SPATS2: variants seen among roughly 807,000 people sequenced by gnomAD.
The protein encoded by SPATS2 is spermatogenesis-associated serine-rich protein 2.
Under a neutral mutation model 63.7 loss-of-function variants are expected in SPATS2, and 38 were observed. The observed-to-expected ratio is 0.60, with a 90% confidence interval of 0.46 to 0.78. The LOEUF is 0.78. SPATS2 is among the 30% of genes least tolerant of loss of function. SPATS2 has a pLI of 0.00. For synonymous variants in SPATS2, 207 were observed against 232.9 expected, an observed-to-expected ratio of 0.89 and a Z score of 1.01; for missense variants, 588 against 666.2, an observed-to-expected ratio of 0.88 and a Z score of 1.29.
At chr12:49,503,519 G>A (rs1263483685) in intron 9 of SPATS2, among the ~76,000 whole-genome samples, 1 of 146,306 alleles carries the variant, frequency 6.8e-6, no homozygotes, top group South Asian at 2.2e-4. Context: ...CGTGGTGGCG[G>A]GCGCCTGTAG....
chr12:49,469,480 A>G (rs1945993006), intron 3 of SPATS2: 2 of 400,758 alleles, frequency 5.0e-6, no homozygotes, highest in South Asian at 3.7e-5. Flanking sequence ...GAATCACTCA[A>G]GCCTGGGAGT....
chr12:49,411,844 G>A (rs908158725), intron 2 of SPATS2, among the ~76,000 whole-genome samples: 9 of 152,044 alleles, frequency 5.9e-5, no homozygotes, highest in African/African-American at 9.7e-5. Flanking sequence ...CATTCTGCTG[G>A]GGCCAATTAG....
At chr12:49,433,935 C>A (rs1945228891) in intron 2 of SPATS2, among the ~76,000 whole-genome samples, 1 of 152,076 alleles carries the variant, frequency 6.6e-6, no homozygotes, top group Non-Finnish European at 1.5e-5. Context: ...TTCCTTATTT[C>A]TTTTTGAGTT....
intron 3 of SPATS2, among the ~76,000 whole-genome samples, chr12:49,468,413 A>G (rs1040213127): frequency 2.7e-4 from 40 of 147,544 alleles, no homozygotes; most frequent in African/African-American, 1.0e-3. Context: ...GCCTGCCTCG[A>G]CCTCCCAAAG....
intron 2 of SPATS2, among the ~76,000 whole-genome samples, chr12:49,433,293 G>C (rs930011016): frequency 6.6e-6 from 1 of 152,206 alleles, no homozygotes; most frequent in Admixed American, 6.5e-5. Flanking sequence ...CTCCCGAGTA[G>C]CTGGGACTAC....
chr12:49,367,426 C>T (rs1943917537), upstream of SPATS2: 7 of 397,092 alleles, frequency 1.8e-5, no homozygotes, highest in Non-Finnish European at 2.7e-5. Context: ...GGCGGGGCGG[C>T]GTCCGGCTCT....
intron 9 of SPATS2, among the ~76,000 whole-genome samples, chr12:49,505,069 CT>C (rs35654703): frequency 2.5e-4 from 37 of 147,390 alleles, no homozygotes; most frequent in East Asian, 2.0e-4. Context: ...CAGCTCAGAG[CT>C]TTTTTTTTTA....
At chr12:49,485,170 A>G (rs1299468926) in intron 4 of SPATS2, among the ~76,000 whole-genome samples, 1 of 147,334 alleles carries the variant, frequency 6.8e-6, no homozygotes, top group Admixed American at 7.0e-5. Context: ...GGTTCGCGCC[A>G]TTCTCCTGCC....
In SPATS2 at chr12:49,516,764, A is replaced by T. The variant is rs138726439; in HGVS notation, c.898+2151A>T. On this transcript the variant is annotated intron_variant, in intron 10 of 13. Transcript: ENST00000552918. ...TTTCAGATAGCGAGGCTAATGTAAC[A>T]AATTCCCATCACTCAGCTTCAACCA... Among the ~76,000 whole-genome samples the T allele has an allele frequency of 1.8e-3, 276 of 152,258 alleles. 1 individual carries two copies. Among genetic ancestry groups the T allele is most frequent in the African/African-American group, 6.1e-3 (254 of 41,564 alleles).
intron 2 of SPATS2, among the ~76,000 whole-genome samples, chr12:49,448,089 C>T (rs1030552472): frequency 6.6e-6 from 1 of 150,826 alleles, no homozygotes; most frequent in Non-Finnish European, 1.5e-5. Flanking sequence ...TTTTAAGTAC[C>T]AATTTAGCTA....
chr12:49,399,813 G>A (rs894145858), intron 2 of SPATS2, among the ~76,000 whole-genome samples: 2 of 152,076 alleles, frequency 1.3e-5, no homozygotes, highest in African/African-American at 4.8e-5. Flanking sequence ...CAAGGCAGGC[G>A]GATCACGAGG....
chr12:49,471,080 A>G (rs1294826273), intron 3 of SPATS2, among the ~76,000 whole-genome samples: 2 of 152,192 alleles, frequency 1.3e-5, no homozygotes, highest in African/African-American at 2.4e-5. Flanking sequence ...AAGCTAGGAA[A>G]TCTCTTTACT....
At chr12:49,494,001 T>G (rs1946425876) in intron 6 of SPATS2, among the ~76,000 whole-genome samples, 1 of 152,224 alleles carries the variant, frequency 6.6e-6, no homozygotes, top group Admixed American at 6.5e-5. Context: ...TTGGGTTGTT[T>G]CTAATCCTGT....
chr12:49,425,852 C>T (rs578155391), intron 2 of SPATS2, among the ~76,000 whole-genome samples: 132 of 152,138 alleles, frequency 8.7e-4, no homozygotes, highest in African/African-American at 3.0e-3. Flanking sequence ...AGGCTGGTCT[C>T]GAACTCCTGA....
intron 2 of SPATS2, among the ~76,000 whole-genome samples, chr12:49,395,913 C>T (rs956820436): frequency 2.7e-4 from 41 of 152,060 alleles, no homozygotes; most frequent in Admixed American, 2.7e-3. Context: ...TCTTTGTTTC[C>T]CCCTCTTCCC....
rs540708681 is a variant in SPATS2, at chr12:49,472,012, G to C, written c.25+10975G>C. On this transcript the variant is annotated intron_variant, in intron 3 of 13. Coordinates refer to ENST00000552918, the MANE Select transcript of SPATS2 (RefSeq NM_023071.4). ...AATTACCCAGGGCATGGTGGGGCGTGTCTTTAGTCCTGCTTCTTGGGAGGC... is the reference window on the plus strand; with the variant it reads ...AATTACCCAGGGCATGGTGGGGCGTCTCTTTAGTCCTGCTTCTTGGGAGGC... 2.7e-5 allele frequency among the ~76,000 whole-genome samples: 4 copies of C among 149,506 alleles called. 1 individual carries two copies. In the South Asian group the frequency reaches 8.5e-4, roughly 32 times the overall value.
rs1947049867 is a variant in SPATS2 at position 49,527,195 on chromosome 12, C to G, written c.*940C>G. On this transcript the variant is annotated 3_prime_UTR_variant, in exon 14 of 14. Coordinates refer to ENST00000552918, the MANE Select transcript of SPATS2 (RefSeq NM_023071.4). The stretch of plus-strand genomic sequence containing the variant: ...TGAGCTGAGATTGTGCCACTGCACT[C>G]CAGCCTGGGAGACAGAGCAAGACTC... 6.7e-6 allele frequency: 1 copy of G among 150,112 alleles called. No individual in the cohort carries two copies. Among genetic ancestry groups the G allele is most frequent in the Non-Finnish European group, 1.5e-5 (1 of 67,778 alleles). 9.3% of individuals were successfully genotyped at this position (150,112 alleles called of 1,614,324 possible). A position where few individuals can be genotyped will look rare whatever the true frequency, so the allele number is the denominator to read the frequency against.
intron 9 of SPATS2, among the ~76,000 whole-genome samples, chr12:49,513,732 T>C (rs11613171): frequency 6.6e-6 from 1 of 152,130 alleles, no homozygotes; most frequent in African/African-American, 2.4e-5. Context: ...GGTGCAACCA[T>C]GGTCAGCTGT....
chr12:49,496,800 G>A, intron 7 of SPATS2, 33 bp from the exon 8 acceptor site: 1 of 1,602,002 alleles, frequency 6.2e-7, no homozygotes, highest in Non-Finnish European at 8.5e-7. Flanking sequence ...CTCCTAAATT[G>A]TGCTCTAAAG....
Sources: allele counts gnomAD v4.1 joint callset (sites outside exome capture counted in the v4.1 genomes callset), GRCh38; gene constraint gnomAD v4.1.1; transcripts MANE v1.5; gene names NCBI Gene and HGNC (gene_info 2026-07-23, HGNC 2026-07-21).